Variants in CERK observed in about 807,000 individuals in gnomAD.
The protein encoded by CERK is acylsphingosine kinase.
Under a neutral mutation model 63.4 loss-of-function variants are expected in CERK, and 39 were observed. The ratio of observed to expected loss-of-function variants is 0.61; its 90% confidence interval spans 0.48 to 0.80. CERK has a LOEUF of 0.80. Ranked by LOEUF, CERK falls within the 30% of genes least tolerant of loss-of-function variation. CERK has a pLI of 0.00. For missense variants in CERK, 670 were observed against 714.1 expected (o/e 0.94, Z 0.70); for synonymous variants, 302 against 280.0 (o/e 1.08, Z -0.78).
At chr22:46,709,633 T>C (rs2082830853) in intron 5 of CERK, among the ~76,000 whole-genome samples, 1 of 152,194 alleles carries the variant, frequency 6.6e-6, no homozygotes, top group African/African-American at 2.4e-5. Flanking sequence ...ATGATTTCAA[T>C]AAATATCCGC....
intron 12 of CERK, among the ~76,000 whole-genome samples, chr22:46,688,033 C>G (rs2082712103): frequency 6.6e-6 from 1 of 152,098 alleles, no homozygotes; most frequent in African/African-American, 2.4e-5. Context: ...CCCGTCTCTA[C>G]TAAAAATATA....
chr22:46,694,302 A>G (rs966983291), intron 9 of CERK, among the ~76,000 whole-genome samples: 1 of 152,148 alleles, frequency 6.6e-6, no homozygotes, highest in Admixed American at 6.5e-5. Context: ...GCGGCCTGGG[A>G]CAACTATGTT....
At position 46,698,098 on chromosome 22, in the gene CERK, A is replaced by G. The variant is rs1182619081; in HGVS notation, c.943+1215T>C. 2.0e-5 allele frequency among the ~76,000 whole-genome samples: 3 copies of G among 152,336 alleles called. No individual in the cohort carries two copies. The East Asian group carries it at 5.8e-4, about 29-fold the overall frequency. ...TGGGTTCTACCAAGCCCTCCAGAGG[A>G]TGCAGGTGCCCACCACAGTCTGAGG... On this transcript the variant is annotated intron_variant, in intron 8 of 12. Transcript: ENST00000216264.
At chr22:46,722,444 G>C (rs921775550) in intron 1 of CERK, among the ~76,000 whole-genome samples, 1 of 152,114 alleles carries the variant, frequency 6.6e-6, no homozygotes, top group Non-Finnish European at 1.5e-5. Context: ...TGGCTGGAGA[G>C]CAGAGGTCTC....
At chr22:46,690,944 T>C (rs183629367) in intron 11 of CERK, among the ~76,000 whole-genome samples, 208 of 152,296 alleles carry the variant, frequency 1.4e-3, no homozygotes, top group African/African-American at 4.7e-3. Flanking sequence ...CATGTGTGTG[T>C]ATATGTATGT....
At chr22:46,733,208 C>CA (rs35759818) in intron 1 of CERK, among the ~76,000 whole-genome samples, 1,615 of 77,278 alleles carry the variant, frequency 0.021, 56 homozygotes, top group East Asian at 0.07. Flanking sequence ...GACTCTGTCT[C>CA]AAAAAAAAAA....
intron 1 of CERK, among the ~76,000 whole-genome samples, chr22:46,724,162 T>C (rs956287537): frequency 6.6e-6 from 1 of 152,212 alleles, no homozygotes; most frequent in Non-Finnish European, 1.5e-5. Context: ...ATGGAGACCT[T>C]TGTAATGATC....
intron 10 of CERK, among the ~76,000 whole-genome samples, chr22:46,693,069 G>A (rs1030938358): frequency 6.6e-6 from 1 of 152,212 alleles, no homozygotes; most frequent in Non-Finnish European, 1.5e-5. Context: ...TGCCTCTGCT[G>A]GACAGAGACT....
At chr22:46,696,939 T>C (rs2082759546) in intron 8 of CERK, among the ~76,000 whole-genome samples, 1 of 152,170 alleles carries the variant, frequency 6.6e-6, no homozygotes, top group South Asian at 2.1e-4. Flanking sequence ...AGAGCCACAC[T>C]GGGCTCAACA....
chr22:46,736,004 G>A (rs1218191039), intron 1 of CERK, among the ~76,000 whole-genome samples: 2 of 152,222 alleles, frequency 1.3e-5, no homozygotes, highest in Non-Finnish European at 2.9e-5. Context: ...GCTGCTTCCT[G>A]GAGGAAGCCC....
chr22:46,695,356 T>C, intron 8 of CERK, 41 bp from the exon 9 acceptor site: 1 of 1,167,496 alleles, frequency 8.6e-7, no homozygotes, highest in South Asian at 1.2e-5. Flanking sequence ...TCCACAAGGG[T>C]CATTGCTTGG....
In CERK at chr22:46,720,039, G is replaced by A. The variant is rs554005112; in HGVS notation, c.379+47C>T. 1.1e-5 allele frequency: 18 copies of A among 1,596,096 alleles called. No homozygotes were observed. In the East Asian group the frequency reaches 1.6e-4, roughly 14 times the overall value. On this transcript the variant is annotated intron_variant, in intron 3 of 12. Transcript: ENST00000216264. ...AGGAAGATCACCCAATCAGGCATGC[G>A]CATGCCACCACGGCCATCCTGTCTC...
chr22:46,718,411 C>T (rs117327271), intron 3 of CERK, among the ~76,000 whole-genome samples: 2,010 of 152,048 alleles, frequency 0.013, 25 homozygotes, highest in Non-Finnish European at 0.02. Context: ...GAGGGGAAGG[C>T]GGGAGAAACA....
At chr22:46,704,851 A>G (rs2082805518) in intron 6 of CERK, among the ~76,000 whole-genome samples, 1 of 151,702 alleles carries the variant, frequency 6.6e-6, no homozygotes, top group Non-Finnish European at 1.5e-5. Flanking sequence ...AAAAGTGACA[A>G]TGCCCTCTTG....
chr22:46,734,067 C>CATACAT (rs1555990292), intron 1 of CERK, among the ~76,000 whole-genome samples: 4 of 145,394 alleles, frequency 2.8e-5, no homozygotes, highest in African/African-American at 7.6e-5. Context: ...TACATACATA[C>CATACAT]ATATATATAT....
chr22:46,715,336 G>C (rs1414492087), intron 3 of CERK, among the ~76,000 whole-genome samples: 2 of 152,144 alleles, frequency 1.3e-5, no homozygotes, highest in East Asian at 3.9e-4. Flanking sequence ...GATCGTGTTT[G>C]ACAAAAATCT....
At chr22:46,715,176 A>C (rs1215961198) in intron 3 of CERK, among the ~76,000 whole-genome samples, 1 of 152,196 alleles carries the variant, frequency 6.6e-6, no homozygotes, top group African/African-American at 2.4e-5. Flanking sequence ...GTGAAACACT[A>C]AAATCTTTCC....
At chr22:46,720,010 C>T in intron 3 of CERK, 76 bp downstream of exon 3, 1 of 1,559,894 alleles carries the variant, frequency 6.4e-7, no homozygotes, top group Non-Finnish European at 8.7e-7. Context: ...CGGGGAGACA[C>T]TTCAGGAAGA....
intron 1 of CERK, among the ~76,000 whole-genome samples, chr22:46,730,063 C>A (rs919270560): frequency 6.6e-6 from 1 of 151,650 alleles, no homozygotes; most frequent in African/African-American, 2.4e-5. Context: ...AACAAACAAA[C>A]AAAAAACAAA....
Sources: allele counts gnomAD v4.1 joint callset (sites outside exome capture counted in the v4.1 genomes callset), GRCh38; gene constraint gnomAD v4.1.1; transcripts MANE v1.5; gene names NCBI Gene and HGNC (gene_info 2026-07-23, HGNC 2026-07-21).